The following GPC6 variants were observed in gnomAD, a reference collection of about 807,000 sequenced individuals.
GPC6 encodes glypican-6.
A neutral mutation model predicts 55.2 loss-of-function variants in GPC6; 14 were observed. The ratio of observed to expected loss-of-function variants is 0.25; its 90% CI spans 0.17 to 0.40. The LOEUF is 0.40. Ranked by LOEUF, GPC6 falls within the 10% of genes least tolerant of loss-of-function variation. GPC6 has a pLI of 1.00. For synonymous variants in GPC6, 278 were observed against 259.6 expected (o/e 1.07, Z -0.68); for missense variants, 641 against 708.5 (o/e 0.90, Z 1.08).
chr13:93,675,738 T>A (rs922695753), intron 2 of GPC6, among the ~76,000 whole-genome samples: 1 of 152,102 alleles, frequency 6.6e-6, no homozygotes, highest in African/African-American at 2.4e-5. Context: ...ATTTATATGA[T>A]CACTTAGAAC....
intron 4 of GPC6, among the ~76,000 whole-genome samples, chr13:94,202,032 T>G (rs2138976999): frequency 6.6e-6 from 1 of 152,228 alleles, no homozygotes; most frequent in South Asian, 2.1e-4. Flanking sequence ...GGTTCTGAAA[T>G]GGTAATAGTT....
At chr13:94,269,177 G>A (rs187845157) in intron 4 of GPC6, among the ~76,000 whole-genome samples, 164 of 152,274 alleles carry the variant, frequency 1.1e-3, no homozygotes, top group Non-Finnish European at 1.9e-3. Flanking sequence ...TGAGCCACAC[G>A]TTCGCTTTTG....
chr13:94,192,509 T>C (rs551855613), intron 4 of GPC6, among the ~76,000 whole-genome samples: 92 of 152,300 alleles, frequency 6.0e-4, no homozygotes, highest in African/African-American at 2.1e-3. Flanking sequence ...ACTTCCCACA[T>C]ATGCCAGATC....
At chr13:94,191,470 T>C (rs1341261321) in intron 4 of GPC6, among the ~76,000 whole-genome samples, 2 of 152,116 alleles carry the variant, frequency 1.3e-5, no homozygotes, top group Admixed American at 6.5e-5. Flanking sequence ...AGAGGATCTT[T>C]GGAGAGCTGA....
intron 2 of GPC6, among the ~76,000 whole-genome samples, chr13:93,569,076 TC>T (rs1876276554): frequency 6.6e-6 from 1 of 152,218 alleles, no homozygotes; most frequent in African/African-American, 2.4e-5. Context: ...AAGACTTTTT[TC>T]AAAGATCTTA....
intron 6 of GPC6, among the ~76,000 whole-genome samples, chr13:94,373,433 C>G (rs1158384915): frequency 6.6e-6 from 1 of 151,952 alleles, no homozygotes; most frequent in Non-Finnish European, 1.5e-5. Flanking sequence ...GCCTCAGGAG[C>G]CGATGAGATC....
At chr13:93,381,826 C>G (rs1363157127) in intron 1 of GPC6, among the ~76,000 whole-genome samples, 1 of 152,122 alleles carries the variant, frequency 6.6e-6, no homozygotes, top group Non-Finnish European at 1.5e-5. Flanking sequence ...ATTCTTTCTT[C>G]CATCCATCCA....
At chr13:94,090,682 ATACT>A (rs10548078) in intron 4 of GPC6, among the ~76,000 whole-genome samples, 120,287 of 151,504 alleles carry the variant, frequency 0.79, 48,051 homozygotes, top group South Asian at 0.88. Flanking sequence ...ACATTACTTA[ATACT>A]TACATCAACT....
chr13:93,381,067 A>T (rs1176148929), intron 1 of GPC6, among the ~76,000 whole-genome samples: 1 of 152,172 alleles, frequency 6.6e-6, no homozygotes, highest in East Asian at 1.9e-4. Flanking sequence ...CAGTCTTAAG[A>T]CTTAATTGAT....
chr13:94,172,373 A>G (rs1026498717), intron 4 of GPC6, among the ~76,000 whole-genome samples: 7 of 152,190 alleles, frequency 4.6e-5, no homozygotes, highest in African/African-American at 1.7e-4. Flanking sequence ...ATATTATTAA[A>G]TTTCTCTATC....
chr13:94,231,109 C>A (rs1386492032), intron 4 of GPC6, among the ~76,000 whole-genome samples: 2 of 152,116 alleles, frequency 1.3e-5, no homozygotes, highest in African/African-American at 4.8e-5. Context: ...ACCCCTAGAG[C>A]CTAGCACAAG....
rs1883911026 is a variant in GPC6 at position 93,733,943 on chromosome 13, T to A, written c.320-96211T>A. On this transcript the variant is annotated intron_variant, in intron 2 of 8. Coordinates refer to ENST00000377047, the MANE Select transcript of GPC6 (RefSeq NM_005708.5). The stretch of plus-strand genomic sequence containing the variant: ...ATTTTGATAGTTAATATAAATTTCA[T>A]GTTCTTTCATTCATGGTCTTCAATA... Among the ~76,000 whole-genome samples the A allele has an allele frequency of 2.6e-5, 4 of 152,342 alleles. No homozygotes were observed. In the South Asian group the frequency reaches 8.3e-4, roughly 32 times the overall value.
chr13:93,974,157 C>A (rs1322435765), intron 3 of GPC6, among the ~76,000 whole-genome samples: 5 of 152,200 alleles, frequency 3.3e-5, no homozygotes, highest in African/African-American at 7.2e-5. Flanking sequence ...CCTGCCCCAA[C>A]ACACAGACAG....
chr13:93,626,835 A>G (rs1879223746), intron 2 of GPC6, among the ~76,000 whole-genome samples: 1 of 151,848 alleles, frequency 6.6e-6, no homozygotes, highest in Admixed American at 6.6e-5. Flanking sequence ...AGACTGGGTA[A>G]CTTATAAAGA....
chr13:94,236,148 C>G (rs1465580338), intron 4 of GPC6, among the ~76,000 whole-genome samples: 1 of 152,072 alleles, frequency 6.6e-6, no homozygotes, highest in Non-Finnish European at 1.5e-5. Flanking sequence ...TGTTTATCTT[C>G]TTATTTCCTC....
chr13:93,396,073 C>T (rs1875844160), intron 1 of GPC6, among the ~76,000 whole-genome samples: 1 of 152,146 alleles, frequency 6.6e-6, no homozygotes, highest in Non-Finnish European at 1.5e-5. Flanking sequence ...TAGAGGTGAA[C>T]TTGACCTACT....
intron 4 of GPC6, among the ~76,000 whole-genome samples, chr13:94,075,525 A>G (rs909212077): frequency 5.3e-5 from 8 of 152,090 alleles, no homozygotes; most frequent in Non-Finnish European, 1.2e-4. Flanking sequence ...TGTTAATTAT[A>G]GGCGATATAT....
At chr13:94,313,995 C>A (rs531361112) in intron 6 of GPC6, among the ~76,000 whole-genome samples, 9 of 152,166 alleles carry the variant, frequency 5.9e-5, no homozygotes, top group Non-Finnish European at 1.3e-4. Flanking sequence ...ATCAATCTAT[C>A]AATAAATTAT....
At chr13:94,223,982 C>A (rs1890467396) in intron 4 of GPC6, among the ~76,000 whole-genome samples, 1 of 152,104 alleles carries the variant, frequency 6.6e-6, no homozygotes, top group African/African-American at 2.4e-5. Flanking sequence ...ACACTGTCAA[C>A]AAGTGTCCTT....
Sources: allele counts gnomAD v4.1 joint callset (sites outside exome capture counted in the v4.1 genomes callset), GRCh38; gene constraint gnomAD v4.1.1; transcripts MANE v1.5; gene names NCBI Gene and HGNC (gene_info 2026-07-23, HGNC 2026-07-21).